The following METAP1D variants were observed in gnomAD, a reference collection of about 807,000 sequenced individuals.
The protein encoded by METAP1D is methionine aminopeptidase 1D, mitochondrial.
METAP1D carries 31 observed loss-of-function variants against 40.5 expected under a neutral mutation model. The ratio of observed to expected loss-of-function variants is 0.77; its 90% confidence interval spans 0.58 to 1.03. METAP1D has a LOEUF of 1.03. METAP1D is among the 50% of genes least tolerant of loss of function. The pLI, the probability that METAP1D is intolerant of heterozygous loss-of-function variation, is 0.00. For missense variants in METAP1D, 411 were observed against 420.7 expected (o/e 0.98, Z 0.20); for synonymous variants, 151 against 146.4 (o/e 1.03, Z -0.22).
At position 172,081,722 on chromosome 2, in the gene METAP1D, C is replaced by G. The variant is rs1324310123; in HGVS notation, c.*1316C>G. On this transcript the variant is annotated 3_prime_UTR_variant, in exon 10 of 10. Coordinates refer to ENST00000315796, the MANE Select transcript of METAP1D (RefSeq NM_199227.3). ...TTAATGGTTGTGCTAACTCTTGTTT[C>G]TACTGAAGCGGGTTTTGCAAAGCTG... 6.6e-6 allele frequency: 1 copy of G among 152,252 alleles called. No homozygotes were observed. Among genetic ancestry groups the G allele is most frequent in the East Asian group, 1.9e-4 (1 of 5,198 alleles). 9.4% of individuals were successfully genotyped at this position (152,252 alleles called of 1,614,324 possible).
chr2:172,012,810 C>T (rs997120936), intron 1 of METAP1D, among the ~76,000 whole-genome samples: 1 of 152,174 alleles, frequency 6.6e-6, no homozygotes, highest in Non-Finnish European at 1.5e-5. Flanking sequence ...GCATATTAAT[C>T]ATTCCTGACC....
chr2:172,081,686 T>G lies in METAP1D; in HGVS notation c.*1280T>G, dbSNP rs1396604879. On this transcript the variant is annotated 3_prime_UTR_variant, in exon 10 of 10. Transcript: ENST00000315796. ...ATTTTAGGAACAAGTCCAACGAGGG[T>G]GTTCAAGCAGTTAATGGTTGTGCTA... The G allele has an allele frequency of 6.6e-6, 1 of 152,214 alleles. No homozygotes were observed. Among genetic ancestry groups the G allele is most frequent in the Non-Finnish European group, 1.5e-5 (1 of 68,046 alleles). 9.4% of individuals were successfully genotyped at this position (152,214 alleles called of 1,614,324 possible).
At chr2:172,016,593 C>A (rs1688871808) in intron 1 of METAP1D, among the ~76,000 whole-genome samples, 1 of 151,426 alleles carries the variant, frequency 6.6e-6, no homozygotes, top group African/African-American at 2.4e-5. Context: ...TGTACTGCAG[C>A]CTGGGCGATA....
At chr2:172,007,432 G>T (rs1688613481) in intron 1 of METAP1D, among the ~76,000 whole-genome samples, 1 of 152,064 alleles carries the variant, frequency 6.6e-6, no homozygotes, top group East Asian at 1.9e-4. Context: ...CAACTGCCAG[G>T]CAATATGTTA....
At chr2:172,061,119 T>G (rs1690131199) in intron 1 of METAP1D, among the ~76,000 whole-genome samples, 1 of 152,190 alleles carries the variant, frequency 6.6e-6, no homozygotes. Context: ...AGGAAACGGC[T>G]TTACAGAGTA....
intron 1 of METAP1D, among the ~76,000 whole-genome samples, chr2:172,028,570 G>C (rs1259202045): frequency 8.1e-5 from 12 of 147,564 alleles, no homozygotes; most frequent in African/African-American, 2.6e-4. Context: ...GTGTGTGTGT[G>C]TGTGTGTGTG....
intron 1 of METAP1D, among the ~76,000 whole-genome samples, chr2:172,023,343 A>C (rs1689048632): frequency 6.6e-6 from 1 of 152,196 alleles, no homozygotes; most frequent in Non-Finnish European, 1.5e-5. Flanking sequence ...ATATCATGTT[A>C]ATGTGATCTA....
chr2:172,036,662 G>T (rs1231315586), intron 1 of METAP1D, among the ~76,000 whole-genome samples: 3 of 151,946 alleles, frequency 2.0e-5, no homozygotes, highest in Admixed American at 1.3e-4. Flanking sequence ...ACCGCACCCG[G>T]CCCGTTTCCA....
chr2:172,009,050 T>G (rs1688652262), intron 1 of METAP1D, among the ~76,000 whole-genome samples: 1 of 151,946 alleles, frequency 6.6e-6, no homozygotes, highest in South Asian at 2.1e-4. Flanking sequence ...TCTTTCTTTT[T>G]TTTTTTTTGA....
At chr2:172,048,769 A>T (rs1689817617) in intron 1 of METAP1D, among the ~76,000 whole-genome samples, 1 of 152,200 alleles carries the variant, frequency 6.6e-6, no homozygotes, top group Non-Finnish European at 1.5e-5. Context: ...AATGTTTTAC[A>T]CATCAAATAT....
intron 1 of METAP1D, among the ~76,000 whole-genome samples, chr2:172,054,146 C>G (rs1016268383): frequency 1.2e-4 from 19 of 152,166 alleles, no homozygotes; most frequent in African/African-American, 4.6e-4. Context: ...GATGCATGAG[C>G]AGATAACAAT....
intron 1 of METAP1D, among the ~76,000 whole-genome samples, chr2:172,001,964 C>T (rs967529877): frequency 3.5e-4 from 52 of 149,880 alleles, no homozygotes; most frequent in African/African-American, 1.3e-3. Flanking sequence ...GGTGTGGTGG[C>T]ACATGCTGGT....
rs151130851 is a variant in METAP1D, at chr2:172,016,061, G to A, written c.40+16052G>A. Among the ~76,000 whole-genome samples, 383 of 147,554 alleles carry A rather than the reference G, an allele frequency of 2.6e-3. 3 individuals carry two copies. The highest frequency in any genetic ancestry group is 9.1e-3 in the African/African-American group (363 of 39,968). On this transcript the variant is annotated intron_variant, in intron 1 of 9. Coordinates refer to ENST00000315796, the MANE Select transcript of METAP1D (RefSeq NM_199227.3). ...CACTTGAGGTCAGGAGTTCGAGATCGGCCTGGCTAATATAGTGAAACTCCG... is the reference window on the plus strand; with the variant it reads ...CACTTGAGGTCAGGAGTTCGAGATCAGCCTGGCTAATATAGTGAAACTCCG...
At chr2:172,001,549 AT>A (rs1235686807) in intron 1 of METAP1D, among the ~76,000 whole-genome samples, 1 of 152,154 alleles carries the variant, frequency 6.6e-6, no homozygotes, top group Non-Finnish European at 1.5e-5. Context: ...GAAAAAAAAA[AT>A]AAATAAAAAT....
intron 6 of METAP1D, among the ~76,000 whole-genome samples, chr2:172,074,496 A>C (rs1690499147): frequency 6.6e-6 from 1 of 152,202 alleles, no homozygotes; most frequent in African/African-American, 2.4e-5. Context: ...CATTGCAATA[A>C]ATTATCTTTT....
intron 1 of METAP1D, among the ~76,000 whole-genome samples, chr2:172,039,822 A>G (rs1176552277): frequency 1.3e-5 from 2 of 151,884 alleles, no homozygotes; most frequent in Non-Finnish European, 2.9e-5. Flanking sequence ...GGCACCCACC[A>G]CCAGTAATTA....
chr2:171,999,964 G>A lies in METAP1D; in HGVS notation c.-6G>A. 2.2e-6 allele frequency: 3 copies of A among 1,369,568 alleles called. No homozygotes were observed. In the South Asian group the frequency reaches 5.2e-5, roughly 24 times the overall value. 84.8% of individuals were successfully genotyped at this position (1,369,568 alleles called of 1,614,324 possible). On this transcript the variant is annotated 5_prime_UTR_variant, in exon 1 of 10. Transcript: ENST00000315796. ...GAGTGCTCGCGGCCACGTGACCGACGCCAACATGGCGGCGCCCAGTGGCGT... is the reference window on the plus strand; with the variant it reads ...GAGTGCTCGCGGCCACGTGACCGACACCAACATGGCGGCGCCCAGTGGCGT...
intron 1 of METAP1D, among the ~76,000 whole-genome samples, chr2:172,055,900 C>T (rs1297551247): frequency 2.0e-5 from 3 of 152,128 alleles, no homozygotes; most frequent in Admixed American, 6.6e-5. Context: ...TGCATCTTTT[C>T]GGCAGTGAGG....
chr2:172,036,187 G>A (rs1314740609), intron 1 of METAP1D, among the ~76,000 whole-genome samples: 4 of 150,668 alleles, frequency 2.7e-5, no homozygotes, highest in Admixed American at 1.3e-4. Flanking sequence ...CGTGGTGGCG[G>A]GTGCCTGTAG....
Sources: gnomAD v4.1 joint callset for allele counts (sites outside exome capture counted in the v4.1 genomes callset) on GRCh38, gnomAD v4.1.1 for gene constraint, MANE v1.5 for transcripts, NCBI Gene and HGNC (gene_info 2026-07-23, HGNC 2026-07-21) for gene names.